Variants in DGKG observed in about 807,000 individuals in gnomAD.
DGKG encodes the protein DAG kinase gamma.
DGKG carries 78 observed loss-of-function variants against 105.3 expected under a neutral mutation model. The observed-to-expected ratio is 0.74, with a 90% confidence interval of 0.62 to 0.89. The LOEUF is 0.89. DGKG is among the 40% of genes least tolerant of loss of function. The probability of loss-of-function intolerance (pLI) is 0.00; values close to 1 mark genes in which losing one functional copy is unlikely to be tolerated. For synonymous variants in DGKG, 346 were observed against 367.1 expected, an observed-to-expected ratio of 0.94 and a Z score of 0.66; for missense variants, 958 against 1,020.1, an observed-to-expected ratio of 0.94 and a Z score of 0.83.
At chr3:186,180,042 A>G (rs979794409) in intron 22 of DGKG, among the ~76,000 whole-genome samples, 1 of 152,154 alleles carries the variant, frequency 6.6e-6, no homozygotes, top group African/African-American at 2.4e-5. Context: ...TACAGAAGGG[A>G]TTATGACATC....
chr3:186,208,762 G>T (rs1358742504), intron 21 of DGKG, among the ~76,000 whole-genome samples: 2 of 152,186 alleles, frequency 1.3e-5, no homozygotes, highest in Non-Finnish European at 1.5e-5. Context: ...CTGCCCAGCT[G>T]CATGAGCTGA....
intron 3 of DGKG, among the ~76,000 whole-genome samples, chr3:186,302,263 C>T (rs1723954539): frequency 6.6e-6 from 1 of 151,828 alleles, no homozygotes; most frequent in Non-Finnish European, 1.5e-5. Context: ...ACACCACCTA[C>T]CACAGGGTTC....
At chr3:186,211,687 C>T (rs908387339) in intron 21 of DGKG, 108 bp downstream of exon 21, 8 of 793,548 alleles carry the variant, frequency 1.0e-5, no homozygotes, top group African/African-American at 5.1e-5. Flanking sequence ...ACAGAGACTA[C>T]GCTCTGGGTC....
At chr3:186,321,561 A>G (rs1265173428) in intron 1 of DGKG, among the ~76,000 whole-genome samples, 1 of 152,226 alleles carries the variant, frequency 6.6e-6, no homozygotes, top group African/African-American at 2.4e-5. Flanking sequence ...ATAAAGACCA[A>G]CTGAAACACA....
intron 20 of DGKG, among the ~76,000 whole-genome samples, chr3:186,228,296 C>T (rs979162989): frequency 1.3e-5 from 2 of 152,300 alleles, no homozygotes; most frequent in South Asian, 4.1e-4. Context: ...TGCCCCTCTT[C>T]CTTCTCTCTC....
At chr3:186,214,106 C>A (rs893596449) in intron 20 of DGKG, among the ~76,000 whole-genome samples, 1 of 152,124 alleles carries the variant, frequency 6.6e-6, no homozygotes, top group Non-Finnish European at 1.5e-5. Flanking sequence ...ATAAAAGTTT[C>A]CGGAAGCCAC....
chr3:186,291,799 A>T (rs182328140), intron 5 of DGKG, among the ~76,000 whole-genome samples: 4 of 152,212 alleles, frequency 2.6e-5, no homozygotes, highest in Non-Finnish European at 5.9e-5. Flanking sequence ...GATGATGGGT[A>T]TGTTCATCAT....
intron 1 of DGKG, among the ~76,000 whole-genome samples, chr3:186,348,216 T>A (rs946157390): frequency 1.3e-5 from 2 of 152,112 alleles, no homozygotes; most frequent in African/African-American, 2.4e-5. Flanking sequence ...AAATACTAAG[T>A]CTATGTTTGT....
chr3:186,350,396 C>A (rs1002459113), intron 1 of DGKG, among the ~76,000 whole-genome samples: 4 of 152,120 alleles, frequency 2.6e-5, no homozygotes, highest in Admixed American at 6.5e-5. Context: ...TTCAAGGTTG[C>A]ATGTTGCAGT....
rs115846554 is a variant in DGKG, at chr3:186,242,489, G to A, written c.1826+15C>T. ...ACACTGGGTGGGTGGCAGCGCAGCC[G>A]GGCCTGCAGCTTACCTGCTGTTGAA... is the stretch of plus-strand genomic sequence containing the variant. On this transcript the variant is annotated intron_variant, in intron 20 of 24. Transcript: ENST00000265022. 9.9e-5 allele frequency: 160 copies of A among 1,608,202 alleles called. 1 individual carries two copies. In the African/African-American group the frequency reaches 1.8e-3, roughly 18 times the overall value.
rs142551901 is a variant in DGKG, at chr3:186,147,838, T to G, written c.*2252A>C. The G allele has an allele frequency of 9.3e-4, 917 of 985,424 alleles. No homozygotes were observed. The highest frequency in any genetic ancestry group is 1.1e-3 in the Non-Finnish European group (879 of 829,928). 61.0% of individuals were successfully genotyped at this position (985,424 alleles called of 1,614,324 possible). A position where few individuals can be genotyped will look rare whatever the true frequency, so the allele number is the denominator to read the frequency against. ...GCCTCAGTTTCAGAAACAAGTGGCT[T>G]CCAAGATAGTACCTGTAGTAATTCT... is the stretch of plus-strand genomic sequence containing the variant. On this transcript the variant is annotated 3_prime_UTR_variant, in exon 25 of 25. Coordinates refer to ENST00000265022, the MANE Select transcript of DGKG (RefSeq NM_001346.3).
At chr3:186,335,658 G>A (rs1725799235) in intron 1 of DGKG, among the ~76,000 whole-genome samples, 1 of 152,184 alleles carries the variant, frequency 6.6e-6, no homozygotes, top group South Asian at 2.1e-4. Flanking sequence ...GTCCAATGCT[G>A]CTGGTGTGGA....
Position 186,288,823 on chromosome 3 carries a change from AG to A in DGKG, c.430del (p.Leu144TrpfsTer18). The A allele has an allele frequency of 6.2e-7, 1 of 1,611,042 alleles. No homozygotes were observed. The highest frequency in any genetic ancestry group is 8.5e-7 in the Non-Finnish European group (1 of 1,178,470). ...PAEDQVAATP[L>X]EPPVPRSSSS... is the part of the protein sequence containing the mutation. ...TGAAGACCGAGGGACGGGGGGTTCC[AG>A]GGGGGTCGCAGCCACTTGGTCTTCA... On this transcript the variant is annotated frameshift_variant, in exon 6 of 25. Coordinates refer to ENST00000265022, the MANE Select transcript of DGKG (RefSeq NM_001346.3). LOFTEE classifies it high-confidence loss of function.
At position 186,355,740 on chromosome 3, in the gene DGKG, C is replaced by G. The variant is rs540159979; in HGVS notation, c.-249+6206G>C. On this transcript the variant is annotated intron_variant, in intron 1 of 24. Coordinates refer to ENST00000265022, the MANE Select transcript of DGKG (RefSeq NM_001346.3). ...CAGCACCAGCATCACTGTCCTACCA[C>G]CAGCATCACCACCACCATTACCACC... Among the ~76,000 whole-genome samples, 17 of 152,096 alleles carry G rather than the reference C, an allele frequency of 1.1e-4. No individual in the cohort carries two copies. In the South Asian group the frequency reaches 3.1e-3, roughly 28 times the overall value.
chr3:186,183,065 G>A (rs527991258), intron 22 of DGKG, among the ~76,000 whole-genome samples: 12 of 152,298 alleles, frequency 7.9e-5, no homozygotes, highest in African/African-American at 2.4e-4. Flanking sequence ...TGCAGAGGGA[G>A]CAGAATTTCA....
intron 19 of DGKG, among the ~76,000 whole-genome samples, chr3:186,250,738 T>C (rs1032593399): frequency 1.1e-4 from 16 of 151,860 alleles, no homozygotes; most frequent in African/African-American, 3.6e-4. Flanking sequence ...TTAGTAGAGA[T>C]GGGGTTTCAC....
intron 21 of DGKG, among the ~76,000 whole-genome samples, chr3:186,198,991 A>G (rs1338787185): frequency 1.3e-5 from 2 of 152,190 alleles, no homozygotes; most frequent in South Asian, 4.1e-4. Context: ...CTTGTTACCC[A>G]GGCTGGAGTG....
At chr3:186,254,944 G>C (rs968733630) in intron 17 of DGKG, among the ~76,000 whole-genome samples, 1 of 152,124 alleles carries the variant, frequency 6.6e-6, no homozygotes. Context: ...TGCACATCCT[G>C]CCTCCCACGC....
chr3:186,166,573 G>A (rs1006134877), intron 22 of DGKG, among the ~76,000 whole-genome samples: 1 of 152,076 alleles, frequency 6.6e-6, no homozygotes, highest in Non-Finnish European at 1.5e-5. Flanking sequence ...ACGTTGGATG[G>A]TCTAGCTCAC....
Sources: gnomAD v4.1 joint callset for allele counts (sites outside exome capture counted in the v4.1 genomes callset) on GRCh38, gnomAD v4.1.1 for gene constraint, MANE v1.5 for transcripts, NCBI Gene and HGNC (gene_info 2026-07-23, HGNC 2026-07-21) for gene names.